Variants in RPS6KL1 observed in about 807,000 individuals in gnomAD.
RPS6KL1 encodes ribosomal protein S6 kinase-like 1.
Under a neutral mutation model 57.0 loss-of-function variants are expected in RPS6KL1, and 41 were observed. The ratio of observed to expected loss-of-function variants is 0.72; its 90% CI spans 0.56 to 0.93. The LOEUF (loss-of-function observed/expected upper bound fraction) is 0.93. Ranked by LOEUF, RPS6KL1 falls within the 40% of genes least tolerant of loss-of-function variation. RPS6KL1 has a pLI of 0.00. For synonymous variants in RPS6KL1, 287 were observed against 309.7 expected, an observed-to-expected ratio of 0.93 and a Z score of 0.77; for missense variants, 697 against 727.7, an observed-to-expected ratio of 0.96 and a Z score of 0.49.
Position 74,911,580 on chromosome 14 carries a change from T to C in RPS6KL1, c.532-200A>G. 4 of 666,616 alleles carry C rather than the reference T, an allele frequency of 6.0e-6. No homozygotes were observed. In the South Asian group the frequency reaches 7.4e-5, roughly 12 times the overall value. The allele number at this position is 666,616 out of a possible 1,614,324, so 41.3% of individuals were successfully genotyped here. A position where few individuals can be genotyped will look rare whatever the true frequency, so the allele number is the denominator to read the frequency against. ...CTAGCCAAAGAGGGGGCAGTGTGTGTGCATGTGTGTTTGTGTGTATGTGTA... is the reference window on the plus strand; with the variant it reads ...CTAGCCAAAGAGGGGGCAGTGTGTGCGCATGTGTGTTTGTGTGTATGTGTA... On this transcript the variant is annotated intron_variant, in intron 6 of 11. Coordinates refer to ENST00000557413, the MANE Select transcript of RPS6KL1 (RefSeq NM_031464.5).
At chr14:74,907,773 T>C (rs1885170299) in intron 10 of RPS6KL1, among the ~76,000 whole-genome samples, 1 of 152,222 alleles carries the variant, frequency 6.6e-6, no homozygotes, top group Non-Finnish European at 1.5e-5. Flanking sequence ...AACCTAGGTC[T>C]CTTGGCTCCA....
Position 74,906,220 on chromosome 14 carries a change from G to C in RPS6KL1, c.*794C>G, listed in dbSNP as rs894990970. 1 of 288,038 alleles carries C rather than the reference G, an allele frequency of 3.5e-6. No individual in the cohort carries two copies. The highest frequency in any genetic ancestry group is 6.9e-6 in the Non-Finnish European group (1 of 144,094). 17.8% of individuals were successfully genotyped at this position (288,038 alleles called of 1,614,324 possible). The stretch of plus-strand genomic sequence containing the variant: ...GAATTGCTGTCCTCTTGCACCCCTG[G>C]GGCAGGCTGCCCCTCTTCCCCCACA... On this transcript the variant is annotated 3_prime_UTR_variant, in exon 12 of 12. Coordinates refer to ENST00000557413, the MANE Select transcript of RPS6KL1 (RefSeq NM_031464.5).
chr14:74,907,474 G>C lies in RPS6KL1; in HGVS notation c.1500C>G (p.Pro500=), dbSNP rs766011005. Residue 500 remains proline, a synonymous_variant, in exon 11 of 12, where the codon CCC becomes CCG. Transcript: ENST00000557413. ...GIQAHTQLQL[P]EWLSRPAASL... ...AGGCCGCTGGGCGACTGAGCCACTC[G>C]GGCAGCTGGAGCTGGGTGTGGGCCT... 50 of 1,588,794 alleles carry C rather than the reference G, an allele frequency of 3.1e-5. No individual in the cohort carries two copies. The highest frequency in any genetic ancestry group is 3.3e-5 in the Non-Finnish European group (39 of 1,167,904).
At chr14:74,920,983 G>A (rs1887735160) in intron 3 of RPS6KL1, among the ~76,000 whole-genome samples, 1 of 152,220 alleles carries the variant, frequency 6.6e-6, no homozygotes, top group Admixed American at 6.5e-5. Context: ...ACATGAGAAT[G>A]TAAAAAATGG....
chr14:74,918,691 C>T lies in RPS6KL1; in HGVS notation c.391-86G>A, dbSNP rs1594948279. On this transcript the variant is annotated intron_variant, in intron 4 of 11. Transcript: ENST00000557413. ...CTTCTCACCAGGCATCAGGCAGGGG[C>T]TTCTGGATGCAAGGAGAACAGCTGG... 6 of 1,003,958 alleles carry T rather than the reference C, an allele frequency of 6.0e-6. No individual in the cohort carries two copies. In the East Asian group the frequency reaches 1.4e-4, roughly 23 times the overall value. 62.2% of individuals were successfully genotyped at this position (1,003,958 alleles called of 1,614,324 possible). A position where few individuals can be genotyped will look rare whatever the true frequency, so the allele number is the denominator to read the frequency against.
chr14:74,913,272 G>A (rs1886319964), intron 5 of RPS6KL1, among the ~76,000 whole-genome samples: 1 of 152,178 alleles, frequency 6.6e-6, no homozygotes. Context: ...AGCCCTTGGT[G>A]AGGGCCAGGT....
In RPS6KL1 at chr14:74,906,645, T is replaced by G. The variant is rs1309218872; in HGVS notation, c.*369A>C. On this transcript the variant is annotated 3_prime_UTR_variant, in exon 12 of 12. Transcript: ENST00000557413. Reference sequence around the variant, plus strand: ...TCCTGAGTGGGGCACAACATGGCAGTGAGTGAGTCACAGAACCTCACAGTA... The same window carrying G: ...TCCTGAGTGGGGCACAACATGGCAGGGAGTGAGTCACAGAACCTCACAGTA... 1 of 534,560 alleles carries G rather than the reference T, an allele frequency of 1.9e-6. No individual in the cohort carries two copies. Among genetic ancestry groups the G allele is most frequent in the East Asian group, 5.3e-5 (1 of 18,974 alleles). 33.1% of individuals were successfully genotyped at this position (534,560 alleles called of 1,614,324 possible). A position where few individuals can be genotyped will look rare whatever the true frequency, so the allele number is the denominator to read the frequency against.
intron 4 of RPS6KL1, among the ~76,000 whole-genome samples, 197 bp from the exon 5 acceptor site, chr14:74,918,802 C>T (rs1887299310): frequency 6.6e-6 from 1 of 152,218 alleles, no homozygotes; most frequent in Admixed American, 6.5e-5. Flanking sequence ...CCATACTGGT[C>T]CAGGGTGGTC....
chr14:74,906,980 C>G lies in RPS6KL1; in HGVS notation c.*34G>C, dbSNP rs1442641009. On this transcript the variant is annotated 3_prime_UTR_variant, in exon 12 of 12. Coordinates refer to ENST00000557413, the MANE Select transcript of RPS6KL1 (RefSeq NM_031464.5). ...GGCAAGGAGGAGAGGCGATCCAGAC[C>G]AGGCCAGCTGCTTCCGTCACCCGCT... 16 of 1,513,962 alleles carry G rather than the reference C, an allele frequency of 1.1e-5. No homozygotes were observed. The East Asian group carries it at 3.6e-4, about 34-fold the overall frequency. 93.8% of individuals were successfully genotyped at this position (1,513,962 alleles called of 1,614,324 possible). A position where few individuals can be genotyped will look rare whatever the true frequency, so the allele number is the denominator to read the frequency against.
chr14:74,920,290 A>G (rs1265816006), intron 3 of RPS6KL1, among the ~76,000 whole-genome samples: 2 of 152,220 alleles, frequency 1.3e-5, no homozygotes, highest in East Asian at 3.9e-4. Flanking sequence ...TTCCCCATCC[A>G]TTTTTTCAGA....
chr14:74,907,527 G>C lies in RPS6KL1; in HGVS notation c.1447C>G (p.Leu483Val). 1 of 1,572,246 alleles carries C rather than the reference G, an allele frequency of 6.4e-7. No individual in the cohort carries two copies. Among genetic ancestry groups the C allele is most frequent in the Non-Finnish European group, 8.6e-7 (1 of 1,158,382 alleles). The change falls in exon 11 of 12, where the codon CTG (leucine) becomes GTG (valine). Residue 483 changes from leucine to valine, a missense_variant. Leu to Val is a conservative substitution (Grantham distance 32). Coordinates refer to ENST00000557413, the MANE Select transcript of RPS6KL1 (RefSeq NM_031464.5). ...ATTCCTGAAGGGTGGCTCTGGGACA[G>C]TGCCTGGGAGGACACAGGGAAGGGC... ...LLYELLTGMA[L>V]SQSHPSGIQA...
chr14:74,921,676 G>A, intron 2 of RPS6KL1, 115 bp from the exon 3 acceptor site: 1 of 1,460,836 alleles, frequency 6.8e-7, no homozygotes, highest in Non-Finnish European at 9.0e-7. Flanking sequence ...AAGACTGAAG[G>A]GGTCAGAGCT....
intron 5 of RPS6KL1, 150 bp from the exon 6 acceptor site, chr14:74,911,991 C>G: frequency 3.0e-6 from 2 of 662,476 alleles, no homozygotes; most frequent in Non-Finnish European, 5.4e-6. Context: ...ACTCCTGAAG[C>G]AGACATCGAT....
rs913434420 is a variant in RPS6KL1, at chr14:74,921,315, T to C, written c.227A>G (p.Tyr76Cys). ...GAGCAGCACGTCCACGCCATTCTGA[T>C]AGTGGTTGAAGGCCGCCTCATAGTC... ...SEDYEAAFNH[Y>C]QNGVDVLLRG... Residue 76 changes from tyrosine to cysteine, a missense_variant, in exon 3 of 12, where the codon TAT (tyrosine) becomes TGT (cysteine). Transcript: ENST00000557413. 1.9e-6 allele frequency: 3 copies of C among 1,613,740 alleles called. No individual in the cohort carries two copies. The highest frequency in any genetic ancestry group is 1.3e-5 in the African/African-American group (1 of 74,958).
chr14:74,918,576 A>C lies in RPS6KL1; in HGVS notation c.420T>G (p.Ile140Met). The change falls in exon 5 of 12, where the codon ATT becomes ATG. Residue 140 changes from isoleucine to methionine, a missense_variant. Transcript: ENST00000557413. The stretch of plus-strand genomic sequence containing the variant: ...GCTCCACGGCAGAGCTCAGCGTGCG[A>C]ATGGGCCGGAGCCTCAGGCTGCTGA... ...AGFSSLRLRPIRTLSSAVEQL... is the reference protein window; with the variant it reads ...AGFSSLRLRPMRTLSSAVEQL... The C allele has an allele frequency of 1.3e-6, 2 of 1,534,364 alleles. No homozygotes were observed.
At position 74,909,716 on chromosome 14, in the gene RPS6KL1, C is replaced by CCCA. The variant is rs1885584185; in HGVS notation, c.1096_1097insTGG (p.Ser366delinsMetGly). 1 of 1,608,584 alleles carries CCCA rather than the reference C, an allele frequency of 6.2e-7. No individual in the cohort carries two copies. The highest frequency in any genetic ancestry group is 8.5e-7 in the Non-Finnish European group (1 of 1,179,826). Reference sequence around the variant, plus strand: ...GCCGGCCCCATCTGCTGACAGGCAGCTCTGATCCATGCCTCGGCCACAGCC... The same window carrying CCCA: ...GCCGGCCCCATCTGCTGACAGGCAGCCCATCTGATCCATGCCTCGGCCACAGCC... On this transcript the variant is annotated protein_altering_variant, in exon 8 of 12. Transcript: ENST00000557413.
chr14:74,906,588 G>A lies in RPS6KL1; in HGVS notation c.*426C>T, dbSNP rs776433691. 3.8e-6 allele frequency: 2 copies of A among 531,050 alleles called. No homozygotes were observed. The highest frequency in any genetic ancestry group is 2.9e-5 in the South Asian group (2 of 69,842). The allele number at this position is 531,050 out of a possible 1,614,324, so 32.9% of individuals were successfully genotyped here. A position where few individuals can be genotyped will look rare whatever the true frequency, so the allele number is the denominator to read the frequency against. On this transcript the variant is annotated 3_prime_UTR_variant, in exon 12 of 12. Transcript: ENST00000557413. ...CTGGTTTGGGTCCACTGAGCCAGTGGATCAGTGTCCTGAGATGAGTCTCCA... is the reference window on the plus strand; with the variant it reads ...CTGGTTTGGGTCCACTGAGCCAGTGAATCAGTGTCCTGAGATGAGTCTCCA...
chr14:74,909,731 C>T lies in RPS6KL1; in HGVS notation c.1082G>A (p.Arg361Gln), dbSNP rs1187696947. The T allele has an allele frequency of 5.6e-6, 9 of 1,608,026 alleles. No individual in the cohort carries two copies. The East Asian group carries it at 6.7e-5, about 12-fold the overall frequency. ...TGACAGGCAGCTCTGATCCATGCCT[C>T]GGCCACAGCCCCCTAGCACCGGGCC... ...GAGPVLGGCGRGMDQSCLSAD... is the reference protein window; with the variant it reads ...GAGPVLGGCGQGMDQSCLSAD... The change falls in exon 8 of 12, where the codon CGA (arginine) becomes CAA (glutamine). Residue 361 changes from arginine to glutamine, a missense_variant. Coordinates refer to ENST00000557413, the MANE Select transcript of RPS6KL1 (RefSeq NM_031464.5).
At chr14:74,908,964 T>C (rs1351830487) in intron 9 of RPS6KL1, 32 bp from the exon 10 acceptor site, 1 of 1,600,060 alleles carries the variant, frequency 6.2e-7, no homozygotes, top group South Asian at 1.1e-5. Context: ...TGTCCCAGCC[T>C]CACCTAAGAG....
Sources: allele counts gnomAD v4.1 joint callset (sites outside exome capture counted in the v4.1 genomes callset), GRCh38; gene constraint gnomAD v4.1.1; transcripts MANE v1.5; gene names NCBI Gene and HGNC (gene_info 2026-07-23, HGNC 2026-07-21).